The following SNX29 variants were observed in gnomAD, a reference collection of about 807,000 sequenced individuals.
SNX29 encodes sorting nexin 29, also known as sorting nexin-29.
In SNX29, 78 loss-of-function variants were observed where a neutral mutation model predicts 102.1. The ratio of observed to expected loss-of-function variants is 0.76; its 90% confidence interval spans 0.64 to 0.92. The LOEUF (loss-of-function observed/expected upper bound fraction) is 0.92. SNX29 is among the 40% of genes least tolerant of loss of function. The pLI is 0.00. For synonymous variants in SNX29, 580 were observed against 414.5 expected (o/e 1.40, Z -4.85); for missense variants, 1,280 against 1,061.7 (o/e 1.21, Z -2.86).
chr16:12,175,018 T>C (rs1383478701), intron 13 of SNX29, among the ~76,000 whole-genome samples: 1 of 152,192 alleles, frequency 6.6e-6, no homozygotes, highest in Non-Finnish European at 1.5e-5. Context: ...TCACAAGCAA[T>C]GCTAATTATA....
intron 4 of SNX29, among the ~76,000 whole-genome samples, chr16:12,033,523 A>G (rs939369952): frequency 5.9e-5 from 9 of 152,110 alleles, no homozygotes; most frequent in African/African-American, 1.7e-4. Context: ...TGAGCTCCCT[A>G]CATGGTTCAC....
intron 20 of SNX29, among the ~76,000 whole-genome samples, chr16:12,525,203 G>C (rs1398973937): frequency 6.6e-6 from 1 of 151,968 alleles, no homozygotes; most frequent in Non-Finnish European, 1.5e-5. Flanking sequence ...TCTCAAGCTT[G>C]GGTAATGAAC....
Position 12,400,234 on chromosome 16 carries a change from C to T in SNX29, c.1955+1733C>T, listed in dbSNP as rs77380373. On this transcript the variant is annotated intron_variant, in intron 17 of 20. Transcript: ENST00000566228. ...GAAGGCCCTCACTCACCTCTGGCTTCGTTCCCAGCCTTTCCCACTCCTCTC... is the reference window on the plus strand; with the variant it reads ...GAAGGCCCTCACTCACCTCTGGCTTTGTTCCCAGCCTTTCCCACTCCTCTC... 3.2e-3 allele frequency among the ~76,000 whole-genome samples: 490 copies of T among 152,308 alleles called. 13 individuals carry two copies. The East Asian group carries it at 0.079, about 25-fold the overall frequency.
intron 13 of SNX29, among the ~76,000 whole-genome samples, chr16:12,151,658 C>T (rs2055307773): frequency 6.6e-6 from 1 of 152,182 alleles, no homozygotes; most frequent in African/African-American, 2.4e-5. Flanking sequence ...CCACCTCAGT[C>T]ATTTCCCCTC....
rs994791109 is a variant in SNX29, at chr16:12,535,147, T to C, written c.2318+10306T>C. Among the ~76,000 whole-genome samples, 3 of 152,316 alleles carry C rather than the reference T, an allele frequency of 2.0e-5. No homozygotes were observed. The East Asian group carries it at 5.8e-4, about 29-fold the overall frequency. On this transcript the variant is annotated intron_variant, in intron 20 of 20. Transcript: ENST00000566228. Reference sequence around the variant, plus strand: ...GTCCAGGTATTAGGCCAGGAGCTTTTCATTTCTTTGAGACAGAGTCTCACT... The same window carrying C: ...GTCCAGGTATTAGGCCAGGAGCTTTCCATTTCTTTGAGACAGAGTCTCACT...
rs145016695 is a variant in SNX29 at position 12,538,104 on chromosome 16, C to G, written c.2318+13263C>G. 7.6e-5 allele frequency among the ~76,000 whole-genome samples: 11 copies of G among 144,566 alleles called. No individual in the cohort carries two copies. In the East Asian group the frequency reaches 2.3e-3, roughly 31 times the overall value. The allele number at this position is 144,566 out of a possible 152,430, so 94.8% of individuals were successfully genotyped here. Reference sequence around the variant, plus strand: ...GTGGGCTAAGCAAATTCACAGCTTTCTGCATTTCCCCTTGCATTTTTTTAT... The same window carrying G: ...GTGGGCTAAGCAAATTCACAGCTTTGTGCATTTCCCCTTGCATTTTTTTAT... On this transcript the variant is annotated intron_variant, in intron 20 of 20. Transcript: ENST00000566228.
At position 12,191,102 on chromosome 16, in the gene SNX29, A is replaced by G. The variant is rs185644602; in HGVS notation, c.1596-8499A>G. On this transcript the variant is annotated intron_variant, in intron 13 of 20. Coordinates refer to ENST00000566228, the MANE Select transcript of SNX29 (RefSeq NM_032167.5). ...TTGGGATAAAACCGTTCCATCTCAG[A>G]TCCTCAGACATTAGATTTTTATAGG... 2.0e-5 allele frequency among the ~76,000 whole-genome samples: 3 copies of G among 152,196 alleles called. No individual in the cohort carries two copies. In the East Asian group the frequency reaches 5.8e-4, roughly 29 times the overall value.
chr16:12,029,490 C>T (rs2057281590), intron 4 of SNX29: 2 of 452,312 alleles, frequency 4.4e-6, no homozygotes, highest in African/African-American at 4.0e-5. Flanking sequence ...GTACAGAATA[C>T]AGTATGGAGA....
chr16:12,572,857 C>T lies in SNX29; in HGVS notation c.*4228C>T, dbSNP rs1231500063. ...GCAGCCTCATGCCCAGGTTTCAGCC[C>T]TAAAGGTAATGATTGTCTTGACTCT... On this transcript the variant is annotated 3_prime_UTR_variant, in exon 21 of 21. Coordinates refer to ENST00000566228, the MANE Select transcript of SNX29 (RefSeq NM_032167.5). The T allele has an allele frequency of 2.8e-6, 3 of 1,063,710 alleles. No individual in the cohort carries two copies. Among genetic ancestry groups the T allele is most frequent in the African/African-American group, 1.6e-5 (1 of 61,100 alleles). The allele number at this position is 1,063,710 out of a possible 1,614,324, so 65.9% of individuals were successfully genotyped here.
At chr16:12,205,094 C>T (rs1025534562) in intron 14 of SNX29, among the ~76,000 whole-genome samples, 3 of 152,204 alleles carry the variant, frequency 2.0e-5, no homozygotes, top group Admixed American at 2.0e-4. Flanking sequence ...AAGGCTGATT[C>T]AGTGAAGATG....
At chr16:12,457,504 C>T (rs1001655283) in intron 18 of SNX29, among the ~76,000 whole-genome samples, 1 of 152,214 alleles carries the variant, frequency 6.6e-6, no homozygotes, top group African/African-American at 2.4e-5. Context: ...TGTCTAGAGC[C>T]TGAGCTCTTT....
intron 14 of SNX29, among the ~76,000 whole-genome samples, chr16:12,229,937 A>T (rs879475067): frequency 2.0e-5 from 3 of 152,130 alleles, no homozygotes; most frequent in Non-Finnish European, 4.4e-5. Context: ...AACTTTTTCT[A>T]TAAAAGGCTG....
At chr16:12,465,636 G>T (rs532055738) in intron 18 of SNX29, among the ~76,000 whole-genome samples, 1 of 152,224 alleles carries the variant, frequency 6.6e-6, no homozygotes, top group Admixed American at 6.5e-5. Flanking sequence ...ATCAGGGACT[G>T]TGATACCTCC....
In SNX29 at chr16:12,429,960, G is replaced by C. The variant is rs533688818; in HGVS notation, c.2037+26431G>C. Among the ~76,000 whole-genome samples the C allele has an allele frequency of 4.6e-4, 70 of 152,312 alleles. 2 individuals are homozygous for C. In the South Asian group the frequency reaches 0.014, roughly 30 times the overall value. Reference sequence around the variant, plus strand: ...GTGCTTTATTCAAGGGTCCTAAACTGGTATTGGGCTGTTGCCTGTTAGGAA... The same window carrying C: ...GTGCTTTATTCAAGGGTCCTAAACTCGTATTGGGCTGTTGCCTGTTAGGAA... On this transcript the variant is annotated intron_variant, in intron 18 of 20. Coordinates refer to ENST00000566228, the MANE Select transcript of SNX29 (RefSeq NM_032167.5).
chr16:12,438,664 A>T (rs2085651200), intron 18 of SNX29, among the ~76,000 whole-genome samples: 1 of 152,206 alleles, frequency 6.6e-6, no homozygotes, highest in Non-Finnish European at 1.5e-5. Flanking sequence ...TTCAGCTCAG[A>T]GGTAAGAGCT....
chr16:12,421,765 A>G (rs114219378), intron 18 of SNX29, among the ~76,000 whole-genome samples: 1,703 of 152,014 alleles, frequency 0.011, 38 homozygotes, highest in African/African-American at 0.039. Context: ...CATCATCACC[A>G]TCATTACCAG....
Position 12,558,654 on chromosome 16 carries a change from C to T in SNX29, c.2319-9852C>T, listed in dbSNP as rs193301147. On this transcript the variant is annotated intron_variant, in intron 20 of 20. Transcript: ENST00000566228. ...CTTAAAAGAAACCTATTCTCCATCC[C>T]ACCCAATCCTGCTGGTCCTTGTGGC... is the stretch of plus-strand genomic sequence containing the variant. 6.3e-4 allele frequency among the ~76,000 whole-genome samples: 96 copies of T among 152,354 alleles called. 1 individual carries two copies. The highest frequency in any genetic ancestry group is 2.1e-3 in the African/African-American group (89 of 41,584).
At chr16:12,038,255 A>G (rs919681285) in intron 4 of SNX29, among the ~76,000 whole-genome samples, 2 of 152,234 alleles carry the variant, frequency 1.3e-5, no homozygotes, top group East Asian at 1.9e-4. Flanking sequence ...TCCCAAGGTC[A>G]CACAGTGCCT....
chr16:12,372,164 C>T (rs139085530), intron 16 of SNX29, among the ~76,000 whole-genome samples: 1 of 152,334 alleles, frequency 6.6e-6, no homozygotes, highest in East Asian at 1.9e-4. Flanking sequence ...GCCTAACGCA[C>T]ATCTATTTTT....
Sources: allele counts gnomAD v4.1 joint callset (sites outside exome capture counted in the v4.1 genomes callset), GRCh38; gene constraint gnomAD v4.1.1; transcripts MANE v1.5; gene names NCBI Gene and HGNC (gene_info 2026-07-23, HGNC 2026-07-21).